The following ADAMTS17 variants were observed in gnomAD, a reference collection of about 807,000 sequenced individuals.
The protein encoded by ADAMTS17 is ADAM metallopeptidase with thrombospondin type 1 motif 17.
ADAMTS17 carries 113 observed loss-of-function variants against 141.5 expected under a neutral mutation model. The observed-to-expected ratio is 0.80, with a 90% CI of 0.69 to 0.93. The LOEUF (loss-of-function observed/expected upper bound fraction) is 0.93. ADAMTS17 is among the 40% of genes least tolerant of loss of function. The pLI, the probability that ADAMTS17 is intolerant of heterozygous loss-of-function variation, is 0.00. For synonymous variants in ADAMTS17, 768 were observed against 630.6 expected (o/e 1.22, Z -3.27); for missense variants, 1,659 against 1,517.9 (o/e 1.09, Z -1.54).
At chr15:100,077,852 T>C (rs2034485119) in intron 15 of ADAMTS17, among the ~76,000 whole-genome samples, 1 of 152,134 alleles carries the variant, frequency 6.6e-6, no homozygotes, top group African/African-American at 2.4e-5. Context: ...AAATCTTATA[T>C]ACAGAAAATC....
chr15:100,079,685 G>A (rs1363986763), intron 15 of ADAMTS17, among the ~76,000 whole-genome samples: 2 of 152,154 alleles, frequency 1.3e-5, no homozygotes, highest in African/African-American at 4.8e-5. Context: ...AAACGGCAGT[G>A]GTTTGTCCTC....
At chr15:100,065,229 T>C (rs929888749) in intron 15 of ADAMTS17, among the ~76,000 whole-genome samples, 14 of 152,338 alleles carry the variant, frequency 9.2e-5, no homozygotes, top group Admixed American at 3.9e-4. Context: ...TCTTAATGCA[T>C]ATAAACATAC....
chr15:100,268,162 G>A (rs2043785088), intron 4 of ADAMTS17, among the ~76,000 whole-genome samples: 1 of 152,146 alleles, frequency 6.6e-6, no homozygotes, highest in Non-Finnish European at 1.5e-5. Context: ...GTATTCTATG[G>A]TGTATATGTA....
intron 12 of ADAMTS17, among the ~76,000 whole-genome samples, chr15:100,122,905 C>T (rs1236328912): frequency 6.6e-6 from 1 of 152,152 alleles, no homozygotes; most frequent in East Asian, 1.9e-4. Context: ...CAGTTCAAAC[C>T]CATGTTGTTC....
chr15:100,015,409 T>C (rs2061268801), intron 18 of ADAMTS17, among the ~76,000 whole-genome samples: 1 of 150,536 alleles, frequency 6.6e-6, no homozygotes, highest in Non-Finnish European at 1.5e-5. Context: ...TGTACCTTGC[T>C]TTTTTTTGTT....
chr15:100,259,608 T>A (rs2043446325), intron 6 of ADAMTS17, among the ~76,000 whole-genome samples: 1 of 152,254 alleles, frequency 6.6e-6, no homozygotes, highest in African/African-American at 2.4e-5. Flanking sequence ...ACAGACTTTT[T>A]CTAAAATGTC....
chr15:100,024,268 A>AT (rs912168561), intron 18 of ADAMTS17, among the ~76,000 whole-genome samples: 9 of 152,012 alleles, frequency 5.9e-5, no homozygotes, highest in South Asian at 2.1e-4. Flanking sequence ...AATTTAAAAA[A>AT]TTTTTTTTGT....
intron 3 of ADAMTS17, among the ~76,000 whole-genome samples, chr15:100,313,492 A>G (rs2045466794): frequency 6.6e-6 from 1 of 152,242 alleles, no homozygotes; most frequent in African/African-American, 2.4e-5. Context: ...TAAAAAATAC[A>G]CCCACACGGG....
rs1189510342 is a variant in ADAMTS17 at position 100,063,577 on chromosome 15, C to T, written c.2138-9523G>A. On this transcript the variant is annotated intron_variant, in intron 15 of 21. Transcript: ENST00000268070. ...TGTCATTACAACACAGGCGTGAAACCAGCCATAACCCGGGAGGAATGACAC... is the reference window on the plus strand; with the variant it reads ...TGTCATTACAACACAGGCGTGAAACTAGCCATAACCCGGGAGGAATGACAC... 5 of 1,069,872 alleles carry T rather than the reference C, an allele frequency of 4.7e-6. No individual in the cohort carries two copies. The African/African-American group carries it at 4.9e-5, about 10-fold the overall frequency. The allele number at this position is 1,069,872 out of a possible 1,614,324, so 66.3% of individuals were successfully genotyped here.
At chr15:100,307,040 T>C (rs73485921) in intron 3 of ADAMTS17, among the ~76,000 whole-genome samples, 2,879 of 152,274 alleles carry the variant, frequency 0.019, 107 homozygotes, top group African/African-American at 0.066. Context: ...CCCAAAAGTC[T>C]GGGTTCAGGA....
chr15:100,255,518 A>G (rs1460154952), intron 6 of ADAMTS17, among the ~76,000 whole-genome samples: 3 of 151,998 alleles, frequency 2.0e-5, no homozygotes, highest in Non-Finnish European at 4.4e-5. Flanking sequence ...GCAGAGGGGA[A>G]AGCAAATAAA....
intron 3 of ADAMTS17, among the ~76,000 whole-genome samples, chr15:100,298,009 G>C (rs945285394): frequency 6.6e-6 from 1 of 152,040 alleles, no homozygotes; most frequent in Non-Finnish European, 1.5e-5. Context: ...AGGAGGGGCT[G>C]ACTGAACAAC....
intron 18 of ADAMTS17, among the ~76,000 whole-genome samples, chr15:100,025,517 T>A (rs1281691033): frequency 6.6e-6 from 1 of 151,620 alleles, no homozygotes; most frequent in East Asian, 1.9e-4. Context: ...GTTCAAGCAA[T>A]TCTCCTGCCT....
In ADAMTS17 at chr15:100,341,180, C is replaced by A; in HGVS notation, c.309G>T (p.Leu103=). 1 of 1,465,106 alleles carries A rather than the reference C, an allele frequency of 6.8e-7. No individual in the cohort carries two copies. The highest frequency in any genetic ancestry group is 9.0e-7 in the Non-Finnish European group (1 of 1,112,654). The allele number at this position is 1,465,106 out of a possible 1,614,324, so 90.8% of individuals were successfully genotyped here. A position where few individuals can be genotyped will look rare whatever the true frequency, so the allele number is the denominator to read the frequency against. The change falls in exon 2 of 22, where the codon CTG becomes CTT. Residue 103 remains leucine (L), a synonymous_variant. Coordinates refer to ENST00000268070, the MANE Select transcript of ADAMTS17 (RefSeq NM_139057.4). The part of the protein sequence containing the change: ...YLQLRRDLRF[L]SRGFEVEEAG... ...CCTCCTCCACCTCGAAGCCTCGGGACAGGAAGCGCAGGTCGCGGCGCAGCT... is the reference window on the plus strand; with the variant it reads ...CCTCCTCCACCTCGAAGCCTCGGGAAAGGAAGCGCAGGTCGCGGCGCAGCT...
At chr15:100,183,483 T>C (rs932011605) in intron 8 of ADAMTS17, among the ~76,000 whole-genome samples, 1 of 152,264 alleles carries the variant, frequency 6.6e-6, no homozygotes, top group South Asian at 2.1e-4. Context: ...TTCAGTTCTA[T>C]AATTTTCATT....
intron 7 of ADAMTS17, among the ~76,000 whole-genome samples, chr15:100,212,978 G>A (rs1421778240): frequency 6.6e-6 from 1 of 152,062 alleles, no homozygotes; most frequent in Non-Finnish European, 1.5e-5. Context: ...AAATTAGCCT[G>A]TAATTGTAAA....
intron 3 of ADAMTS17, among the ~76,000 whole-genome samples, chr15:100,282,060 T>C (rs973845253): frequency 1.3e-5 from 2 of 152,216 alleles, no homozygotes; most frequent in African/African-American, 4.8e-5. Flanking sequence ...CCTATATCCC[T>C]GTAAAATCTT....
chr15:100,340,884 G>A (rs2046343011), intron 2 of ADAMTS17, 155 bp downstream of exon 2: 5 of 1,192,198 alleles, frequency 4.2e-6, no homozygotes, highest in Admixed American at 4.3e-5. Context: ...GAAGGCCGGG[G>A]TGGGGGATGG....
intron 3 of ADAMTS17, among the ~76,000 whole-genome samples, chr15:100,305,552 G>C (rs1444048529): frequency 6.6e-6 from 1 of 152,232 alleles, no homozygotes; most frequent in Non-Finnish European, 1.5e-5. Flanking sequence ...GGGCAGGCAG[G>C]TGCACCCAGG....
Sources: allele counts gnomAD v4.1 joint callset (sites outside exome capture counted in the v4.1 genomes callset), GRCh38; gene constraint gnomAD v4.1.1; transcripts MANE v1.5; gene names NCBI Gene and HGNC (gene_info 2026-07-23, HGNC 2026-07-21).